FOXP1: variants seen among roughly 807,000 people sequenced by gnomAD.
FOXP1 encodes forkhead box protein P1.
A neutral mutation model predicts 98.2 loss-of-function variants in FOXP1; 15 were observed. The ratio of observed to expected loss-of-function variants is 0.15; its 90% confidence interval spans 0.10 to 0.24. FOXP1 has a LOEUF of 0.24. Among genes scored for constraint, FOXP1 ranks in the 10% least tolerant of loss-of-function variants. The pLI, the probability that FOXP1 is intolerant of heterozygous loss-of-function variation, is 1.00. For missense variants in FOXP1, 633 were observed against 848.5 expected, an observed-to-expected ratio of 0.75 and a Z score of 3.15; for synonymous variants, 371 against 314.5, an observed-to-expected ratio of 1.18 and a Z score of -1.90.
At chr3:71,424,482 G>T (rs1488612451) in intron 3 of FOXP1, among the ~76,000 whole-genome samples, 1 of 152,108 alleles carries the variant, frequency 6.6e-6, no homozygotes, top group East Asian at 1.9e-4. Flanking sequence ...TGGTTCTCCT[G>T]ACTCTAAATT....
chr3:71,325,291 G>A (rs1162535217), intron 4 of FOXP1, among the ~76,000 whole-genome samples: 1 of 152,170 alleles, frequency 6.6e-6, no homozygotes, highest in Non-Finnish European at 1.5e-5. Flanking sequence ...GGCCTCAGGT[G>A]ATTTGCCCGC....
At chr3:71,580,785 G>A (rs1033204183) in intron 2 of FOXP1, 43 of 985,292 alleles carry the variant, frequency 4.4e-5, no homozygotes, top group South Asian at 2.3e-4. Context: ...CTCAGCTATT[G>A]TCCAAGCCCT....
chr3:71,085,452 C>T (rs1290926957), intron 7 of FOXP1, among the ~76,000 whole-genome samples: 2 of 152,106 alleles, frequency 1.3e-5, no homozygotes, highest in Non-Finnish European at 1.5e-5. Context: ...CGCCAGGCCC[C>T]ACTTAGCTTT....
intron 3 of FOXP1, among the ~76,000 whole-genome samples, chr3:71,482,978 G>A (rs1468444608): frequency 2.0e-5 from 3 of 151,802 alleles, no homozygotes; most frequent in Non-Finnish European, 2.9e-5. Context: ...TGGGACTACA[G>A]GTGCAAGCTA....
intron 1 of FOXP1, chr3:71,582,212 G>C (rs1214450074): frequency 1.0e-6 from 1 of 985,072 alleles, no homozygotes; most frequent in Non-Finnish European, 1.2e-6. Context: ...GCTCACAACA[G>C]GTGGGGAGGG....
intron 2 of FOXP1, among the ~76,000 whole-genome samples, chr3:71,537,323 G>C (rs1322525706): frequency 1.3e-5 from 2 of 152,218 alleles, no homozygotes; most frequent in African/African-American, 4.8e-5. Context: ...GAGTCACGAG[G>C]AAAGACTGAA....
At chr3:71,398,356 T>C (rs1438513306) in intron 3 of FOXP1, among the ~76,000 whole-genome samples, 17 of 152,232 alleles carry the variant, frequency 1.1e-4, no homozygotes, top group Non-Finnish European at 2.5e-4. Context: ...TTTTCCCTCT[T>C]TGAAACTTGA....
intron 3 of FOXP1, among the ~76,000 whole-genome samples, chr3:71,488,299 T>C (rs1315199543): frequency 6.6e-6 from 1 of 152,244 alleles, no homozygotes; most frequent in Admixed American, 6.5e-5. Context: ...GGGTTTATTT[T>C]TTAATTGACA....
At chr3:71,455,733 T>A (rs186325132) in intron 3 of FOXP1, among the ~76,000 whole-genome samples, 8 of 152,214 alleles carry the variant, frequency 5.3e-5, no homozygotes, top group Admixed American at 3.3e-4. Flanking sequence ...TTTTAAAGGA[T>A]CACACTTCCA....
At chr3:71,274,394 C>G (rs2070690704) in intron 5 of FOXP1, among the ~76,000 whole-genome samples, 1 of 152,176 alleles carries the variant, frequency 6.6e-6, no homozygotes. Flanking sequence ...CTCAGACCTT[C>G]TCTGCACCCC....
At chr3:71,218,652 C>T (rs1226275504) in intron 5 of FOXP1, among the ~76,000 whole-genome samples, 3 of 152,202 alleles carry the variant, frequency 2.0e-5, no homozygotes, top group East Asian at 1.9e-4. Flanking sequence ...AGCTACTTAG[C>T]GCTGCTGTTG....
intron 20 of FOXP1, among the ~76,000 whole-genome samples, chr3:70,962,858 A>G (rs1015236278): frequency 6.6e-6 from 1 of 152,198 alleles, no homozygotes; most frequent in Non-Finnish European, 1.5e-5. Context: ...TTGCTGTATA[A>G]TTTTAGACTT....
intron 3 of FOXP1, among the ~76,000 whole-genome samples, chr3:71,468,809 C>A (rs2089040739): frequency 6.6e-6 from 1 of 152,292 alleles, no homozygotes; most frequent in Admixed American, 6.5e-5. Context: ...CACTTCACTG[C>A]TGACACAAGC....
At chr3:71,544,260 T>A in intron 2 of FOXP1, among the ~76,000 whole-genome samples, 1 of 151,510 alleles carries the variant, frequency 6.6e-6, no homozygotes, top group South Asian at 2.1e-4. Context: ...AGTTATAAAA[T>A]ATGTATTTAT....
rs2031934115 is a variant in FOXP1 at position 70,956,771 on chromosome 3, TTTA to T, written c.*2473_*2475del. On this transcript the variant is annotated 3_prime_UTR_variant, in exon 21 of 21. Transcript: ENST00000649528. ...TTTTTTTTTTTTTTTTTTTTTTTTT[TTTA>T]AAGTCTTGCGTGACCACAGACTGCC... 3 of 185,094 alleles carry T rather than the reference TTTA, an allele frequency of 1.6e-5. No homozygotes were observed. Among genetic ancestry groups the T allele is most frequent in the East Asian group, 1.6e-4 (2 of 12,792 alleles). The allele number at this position is 185,094 out of a possible 1,614,324, so 11.5% of individuals were successfully genotyped here.
At chr3:71,571,998 G>T (rs990200541) in intron 2 of FOXP1, 8 of 152,188 alleles carry the variant, frequency 5.3e-5, no homozygotes, top group African/African-American at 1.9e-4. Flanking sequence ...AAAGATGCCA[G>T]TCCTTTAAAA....
intron 5 of FOXP1, among the ~76,000 whole-genome samples, chr3:71,259,905 G>A (rs2068950604): frequency 6.6e-6 from 1 of 152,168 alleles, no homozygotes; most frequent in Non-Finnish European, 1.5e-5. Flanking sequence ...TGCTGCTGGA[G>A]GCTCAGCGTG....
intron 6 of FOXP1, among the ~76,000 whole-genome samples, chr3:71,188,943 AC>A (rs1259888231): frequency 6.6e-6 from 1 of 152,202 alleles, no homozygotes; most frequent in East Asian, 1.9e-4. Flanking sequence ...AATATCCTCC[AC>A]AGTTGGTATC....
At chr3:71,110,101 T>A (rs1198457404) in intron 7 of FOXP1, among the ~76,000 whole-genome samples, 4 of 152,120 alleles carry the variant, frequency 2.6e-5, no homozygotes, top group Non-Finnish European at 2.9e-5. Context: ...GCCCTCTATA[T>A]CATCCACTTC....
Sources: gnomAD v4.1 joint callset for allele counts (sites outside exome capture counted in the v4.1 genomes callset) on GRCh38, gnomAD v4.1.1 for gene constraint, MANE v1.5 for transcripts, NCBI Gene and HGNC (gene_info 2026-07-23, HGNC 2026-07-21) for gene names.